The following SMAP1 variants were observed in gnomAD, a reference collection of about 807,000 sequenced individuals.
The protein encoded by SMAP1 is small ArfGAP 1.
SMAP1 carries 24 observed loss-of-function variants against 58.5 expected under a neutral mutation model. The observed-to-expected ratio is 0.41, with a 90% confidence interval of 0.30 to 0.58. SMAP1 has a LOEUF of 0.58. Ranked by LOEUF, SMAP1 falls within the 20% of genes least tolerant of loss-of-function variation. The pLI, the probability that SMAP1 is intolerant of heterozygous loss-of-function variation, is 0.29. For missense variants in SMAP1, 563 were observed against 566.3 expected (o/e 0.99, Z 0.06); for synonymous variants, 216 against 196.6 (o/e 1.10, Z -0.82).
In SMAP1 at chr6:70,768,761, T is replaced by C. The variant is rs1449894705; in HGVS notation, c.339-4589T>C. On this transcript the variant is annotated intron_variant, in intron 3 of 10. Transcript: ENST00000370455. ...GTGTCTCTATTTCCTTCAGTTCTGC[T>C]CTGATTTTAGTTATTTCTTGCCCTC... Among the ~76,000 whole-genome samples, 9 of 152,316 alleles carry C rather than the reference T, an allele frequency of 5.9e-5. No individual in the cohort carries two copies. In the East Asian group the frequency reaches 1.5e-3, roughly 26 times the overall value.
At chr6:70,790,859 A>T (rs1191883754) in intron 4 of SMAP1, among the ~76,000 whole-genome samples, 2 of 152,182 alleles carry the variant, frequency 1.3e-5, no homozygotes, top group South Asian at 4.1e-4. Context: ...GGCCCCAAAG[A>T]TCTGTGCATT....
intron 2 of SMAP1, among the ~76,000 whole-genome samples, chr6:70,744,999 T>C (rs1028703013): frequency 6.6e-6 from 1 of 152,224 alleles, no homozygotes; most frequent in African/African-American, 2.4e-5. Context: ...TCATATCCTT[T>C]GTCCACTTTT....
intron 4 of SMAP1, among the ~76,000 whole-genome samples, chr6:70,789,062 A>T (rs545584871): frequency 1.4e-4 from 21 of 152,032 alleles, no homozygotes; most frequent in Non-Finnish European, 2.8e-4. Flanking sequence ...TTCTTCCCTC[A>T]TTTACCCCTG....
At chr6:70,692,626 T>C (rs999942562) in intron 1 of SMAP1, among the ~76,000 whole-genome samples, 1 of 152,244 alleles carries the variant, frequency 6.6e-6, no homozygotes, top group East Asian at 1.9e-4. Context: ...GTTTTATTCT[T>C]CTGCATATTT....
intron 3 of SMAP1, among the ~76,000 whole-genome samples, chr6:70,770,546 C>G (rs1011994857): frequency 1.3e-5 from 2 of 152,250 alleles, no homozygotes; most frequent in African/African-American, 2.4e-5. Context: ...TGCATCGGCT[C>G]CTGAGGTTTG....
At chr6:70,668,817 C>A (rs183237695) in intron 1 of SMAP1, 229 of 1,343,792 alleles carry the variant, frequency 1.7e-4, no homozygotes, top group Non-Finnish European at 2.1e-4. Context: ...AGAGGAATTT[C>A]ATTACATGAG....
At chr6:70,668,564 C>G in intron 1 of SMAP1, 1 of 1,533,858 alleles carries the variant, frequency 6.5e-7, no homozygotes, top group Non-Finnish European at 8.7e-7. Context: ...AGGTCTGGAT[C>G]CCCTCCTCTA....
At chr6:70,720,834 C>T (rs9364102) in intron 1 of SMAP1, among the ~76,000 whole-genome samples, 21,426 of 152,102 alleles carry the variant, frequency 0.14, 2,839 homozygotes, top group East Asian at 0.54. Context: ...ACCCTGGGCC[C>T]GGCCCATGAA....
intron 1 of SMAP1, among the ~76,000 whole-genome samples, chr6:70,724,781 T>C (rs1251331414): frequency 6.6e-6 from 1 of 152,150 alleles, no homozygotes; most frequent in African/African-American, 2.4e-5. Context: ...GACTAGGTCA[T>C]AGCAAAATAT....
intron 7 of SMAP1, among the ~76,000 whole-genome samples, chr6:70,844,881 G>A (rs555711306): frequency 3.3e-5 from 5 of 152,174 alleles, no homozygotes; most frequent in Non-Finnish European, 7.3e-5. Flanking sequence ...TTTGATCAAC[G>A]TGAAAATTTA....
chr6:70,668,403 C>CTATG (rs1562080978), intron 1 of SMAP1: 13 of 1,011,922 alleles, frequency 1.3e-5, no homozygotes, highest in African/African-American at 3.4e-5. Context: ...TGAGCAGGTG[C>CTATG]CAGGGTAGCG....
intron 1 of SMAP1, among the ~76,000 whole-genome samples, chr6:70,668,342 C>A (rs902924562): frequency 6.6e-6 from 1 of 152,006 alleles, no homozygotes; most frequent in African/African-American, 2.4e-5. Context: ...CGAGGTCAGG[C>A]CCGCAGGCCC....
intron 6 of SMAP1, among the ~76,000 whole-genome samples, chr6:70,835,368 C>T (rs1770537583): frequency 6.6e-6 from 1 of 151,356 alleles, no homozygotes; most frequent in South Asian, 2.1e-4. Context: ...GATATGTGTT[C>T]TTAGAAGTTA....
chr6:70,765,116 A>T (rs777596896), intron 3 of SMAP1, among the ~76,000 whole-genome samples: 1 of 152,164 alleles, frequency 6.6e-6, no homozygotes, highest in Non-Finnish European at 1.5e-5. Context: ...ACTTGTCTTT[A>T]TAAACAGTGT....
intron 1 of SMAP1, among the ~76,000 whole-genome samples, chr6:70,725,805 G>A (rs1419457128): frequency 1.3e-5 from 2 of 152,058 alleles, no homozygotes; most frequent in Non-Finnish European, 2.9e-5. Context: ...TTTTTATCTT[G>A]GGTATTATGA....
At chr6:70,758,168 C>T (rs1309698967) in intron 3 of SMAP1, among the ~76,000 whole-genome samples, 1 of 150,974 alleles carries the variant, frequency 6.6e-6, no homozygotes, top group Non-Finnish European at 1.5e-5. Flanking sequence ...GGCACATATA[C>T]ACCATGGAAT....
At chr6:70,833,294 T>C (rs1342026727) in intron 6 of SMAP1, among the ~76,000 whole-genome samples, 1 of 152,204 alleles carries the variant, frequency 6.6e-6, no homozygotes, top group Non-Finnish European at 1.5e-5. Context: ...TAGCTTTCAC[T>C]AATATATATG....
intron 2 of SMAP1, among the ~76,000 whole-genome samples, chr6:70,736,271 T>C (rs1765614539): frequency 6.6e-6 from 1 of 152,246 alleles, no homozygotes; most frequent in African/African-American, 2.4e-5. Context: ...TTAAAAGTTC[T>C]TTTAATGTGG....
chr6:70,834,368 C>T (rs1016156074), intron 6 of SMAP1, among the ~76,000 whole-genome samples: 2 of 89,342 alleles, frequency 2.2e-5, no homozygotes, highest in Non-Finnish European at 5.0e-5. Flanking sequence ...CAGTAAAATA[C>T]ACCAAAAAAA....
Sources: gnomAD v4.1 joint callset for allele counts (sites outside exome capture counted in the v4.1 genomes callset) on GRCh38, gnomAD v4.1.1 for gene constraint, MANE v1.5 for transcripts, NCBI Gene and HGNC (gene_info 2026-07-23, HGNC 2026-07-21) for gene names.